The following SLC25A13 variants were observed in gnomAD, a reference collection of about 807,000 sequenced individuals.
SLC25A13 encodes electrogenic aspartate/glutamate antiporter SLC25A13, mitochondrial.
SLC25A13 carries 70 observed loss-of-function variants against 85.5 expected under a neutral mutation model. The ratio of observed to expected loss-of-function variants is 0.82; its 90% CI spans 0.68 to 1.00. The LOEUF is 1.00. Among genes scored for constraint, SLC25A13 ranks in the 50% least tolerant of loss-of-function variants. The probability of loss-of-function intolerance (pLI) is 0.00; values close to 1 mark genes in which losing one functional copy is unlikely to be tolerated. For missense variants in SLC25A13, 765 were observed against 819.8 expected (o/e 0.93, Z 0.82); for synonymous variants, 259 against 288.7 (o/e 0.90, Z 1.04).
At chr7:96,218,475 T>C (rs536285137) in intron 4 of SLC25A13, among the ~76,000 whole-genome samples, 3 of 152,200 alleles carry the variant, frequency 2.0e-5, no homozygotes, top group Non-Finnish European at 2.9e-5. Context: ...TGGACTCTTA[T>C]TCCTTAACCT....
intron 13 of SLC25A13, among the ~76,000 whole-genome samples, chr7:96,154,921 C>A (rs1045640280): frequency 2.0e-5 from 3 of 151,944 alleles, no homozygotes; most frequent in African/African-American, 7.3e-5. Flanking sequence ...CCTCAGCCTC[C>A]TGCTGTAGCT....
intron 13 of SLC25A13, among the ~76,000 whole-genome samples, chr7:96,160,352 C>T (rs1793458752): frequency 6.6e-6 from 1 of 152,216 alleles, no homozygotes. Context: ...ATTTCTGAGC[C>T]ACTGAAGGCA....
chr7:96,147,683 A>G (rs1465495455), intron 13 of SLC25A13, among the ~76,000 whole-genome samples: 1 of 152,214 alleles, frequency 6.6e-6, no homozygotes, highest in African/African-American at 2.4e-5. Flanking sequence ...AAAAGCTGGA[A>G]AGAAAAATTA....
intron 16 of SLC25A13, 26 bp from the exon 17 acceptor site, chr7:96,121,771 A>C: frequency 6.2e-7 from 1 of 1,613,584 alleles, no homozygotes; most frequent in Non-Finnish European, 8.5e-7. Flanking sequence ...GAAATCACAG[A>C]TATAATTAGA....
chr7:96,249,109 C>G (rs1310324959), intron 3 of SLC25A13, among the ~76,000 whole-genome samples: 2 of 152,164 alleles, frequency 1.3e-5, no homozygotes, highest in African/African-American at 4.8e-5. Context: ...AGTTTGAGAC[C>G]AGCCTGGGCA....
At chr7:96,309,279 T>C (rs1426853443) in intron 1 of SLC25A13, among the ~76,000 whole-genome samples, 1 of 152,210 alleles carries the variant, frequency 6.6e-6, no homozygotes, top group Non-Finnish European at 1.5e-5. Context: ...TGGGCTTTTT[T>C]AATCACAAGG....
chr7:96,197,884 C>T (rs1385893581), intron 5 of SLC25A13, among the ~76,000 whole-genome samples: 1 of 152,100 alleles, frequency 6.6e-6, no homozygotes, highest in East Asian at 1.9e-4. Context: ...TAGGCTGCCC[C>T]TCTATTTCTT....
intron 3 of SLC25A13, 149 bp downstream of exon 3, chr7:96,277,047 C>A: frequency 1.4e-6 from 1 of 724,400 alleles, no homozygotes; most frequent in Non-Finnish European, 2.1e-6. Context: ...TACATTATTA[C>A]TCAAATAATG....
At chr7:96,251,579 T>C (rs1562878153) in intron 3 of SLC25A13, among the ~76,000 whole-genome samples, 3 of 152,140 alleles carry the variant, frequency 2.0e-5, no homozygotes, top group East Asian at 1.9e-4. Flanking sequence ...GGTCACATCA[T>C]TGGGTGTTGA....
At chr7:96,154,136 T>TG (rs1180806276) in intron 13 of SLC25A13, among the ~76,000 whole-genome samples, 1 of 152,184 alleles carries the variant, frequency 6.6e-6, no homozygotes, top group Non-Finnish European at 1.5e-5. Flanking sequence ...TGAAGATGTC[T>TG]GAAGACAGGA....
intron 5 of SLC25A13, among the ~76,000 whole-genome samples, chr7:96,194,265 T>C (rs1794967597): frequency 2.2e-5 from 1 of 44,754 alleles, no homozygotes; most frequent in Admixed American, 3.6e-4. Flanking sequence ...CAAAACCCCA[T>C]CTCTACAAAA....
chr7:96,234,850 C>A lies in SLC25A13; in HGVS notation c.280G>T (p.Val94Leu). 1 of 1,613,846 alleles carries A rather than the reference C, an allele frequency of 6.2e-7. No homozygotes were observed. The highest frequency in any genetic ancestry group is 8.5e-7 in the Non-Finnish European group (1 of 1,179,914). Residue 94 changes from valine (V) to leucine (L), a missense_variant, in exon 4 of 18, where the codon GTA becomes TTA. Coordinates refer to ENST00000265631, the MANE Select transcript of SLC25A13 (RefSeq NM_014251.3). ...GCTTTGTCAAACAGCTGAAAGGCTACCATAAACAAAGCATCAGGGGCACAC... is the reference window on the plus strand; with the variant it reads ...GCTTTGTCAAACAGCTGAAAGGCTAACATAAACAAAGCATCAGGGGCACAC... Reference protein sequence around the residue: ...VLCAPDALFMVAFQLFDKAGK... With the variant: ...VLCAPDALFMLAFQLFDKAGK...
chr7:96,275,275 A>T (rs1394880810), intron 3 of SLC25A13, among the ~76,000 whole-genome samples: 1 of 152,218 alleles, frequency 6.6e-6, no homozygotes. Flanking sequence ...GAACACTTTT[A>T]CACTGTTGGT....
chr7:96,241,104 A>AAG (rs1222929673), intron 3 of SLC25A13, among the ~76,000 whole-genome samples: 1 of 145,516 alleles, frequency 6.9e-6, no homozygotes, highest in African/African-American at 2.6e-5. Context: ...GAAAGAAAGA[A>AAG]AGGCACTTTA....
intron 4 of SLC25A13, chr7:96,219,765 T>C (rs774869051): frequency 1.9e-6 from 1 of 533,650 alleles, no homozygotes; most frequent in South Asian, 1.4e-5. Context: ...GACTCCCTCC[T>C]CCTCTATAAT....
At chr7:96,299,660 G>C (rs1394277171) in intron 1 of SLC25A13, among the ~76,000 whole-genome samples, 3 of 152,156 alleles carry the variant, frequency 2.0e-5, no homozygotes, top group African/African-American at 7.2e-5. Context: ...ACTTGCATTA[G>C]CTGGCAATAT....
At chr7:96,281,605 G>T (rs1265233799) in intron 2 of SLC25A13, among the ~76,000 whole-genome samples, 1 of 151,976 alleles carries the variant, frequency 6.6e-6, no homozygotes, top group Non-Finnish European at 1.5e-5. Context: ...GATCAGAAGG[G>T]GCATCAGAGG....
intron 15 of SLC25A13, among the ~76,000 whole-genome samples, chr7:96,122,460 T>C (rs1364416046): frequency 6.6e-6 from 1 of 152,168 alleles, no homozygotes; most frequent in Non-Finnish European, 1.5e-5. Context: ...CAGGAGGTGC[T>C]TTCTCTCACA....
chr7:96,223,774 C>T lies in SLC25A13; in HGVS notation c.328+11028G>A, dbSNP rs190197624. On this transcript the variant is annotated intron_variant, in intron 4 of 17. Coordinates refer to ENST00000265631, the MANE Select transcript of SLC25A13 (RefSeq NM_014251.3). ...CTGCACTCCAGCCGGGGCAACAGAGCGAGACTCCATCTCTGAAAAAAAAAA... is the reference window on the plus strand; with the variant it reads ...CTGCACTCCAGCCGGGGCAACAGAGTGAGACTCCATCTCTGAAAAAAAAAA... 1.0e-3 allele frequency among the ~76,000 whole-genome samples: 131 copies of T among 127,014 alleles called. No individual in the cohort carries two copies. In the East Asian group the frequency reaches 0.02, roughly 19 times the overall value. 83.3% of individuals were successfully genotyped at this position (127,014 alleles called of 152,430 possible).
Sources: gnomAD v4.1 joint callset for allele counts (sites outside exome capture counted in the v4.1 genomes callset) on GRCh38, gnomAD v4.1.1 for gene constraint, MANE v1.5 for transcripts, NCBI Gene and HGNC (gene_info 2026-07-23, HGNC 2026-07-21) for gene names.